DCHS1: variants seen among roughly 807,000 people sequenced by gnomAD.
DCHS1 encodes protocadherin-16.
DCHS1 carries 78 observed loss-of-function variants against 213.9 expected under a neutral mutation model. That is an observed-to-expected ratio of 0.36 (90% CI 0.30 to 0.44). The LOEUF is 0.44. Among genes scored for constraint, DCHS1 ranks in the 20% least tolerant of loss-of-function variants. DCHS1 has a pLI of 1.00. For missense variants in DCHS1, 3,946 were observed against 4,395.9 expected (o/e 0.90, Z 2.89); for synonymous variants, 1,828 against 1,873.7 (o/e 0.98, Z 0.63).
rs980046566 is a variant in DCHS1, at chr11:6,623,764, G to A, written c.7912C>T (p.Arg2638Cys). 3.1e-6 allele frequency: 5 copies of A among 1,613,960 alleles called. No individual in the cohort carries two copies. The highest frequency in any genetic ancestry group is 4.2e-6 in the Non-Finnish European group (5 of 1,179,904). Residue 2638 changes from arginine to cysteine, a missense_variant, in exon 21 of 21, where the codon CGT (arginine) becomes TGT (cysteine). By Grantham distance (180) the Arg-to-Cys change is radical. Transcript: ENST00000299441. ...GGGTCGCCTGAGCTGACAGTGAAACGCACGAGGCCATGAGGGCCAGGGTCA... is the reference window on the plus strand; with the variant it reads ...GGGTCGCCTGAGCTGACAGTGAAACACACGAGGCCATGAGGGCCAGGGTCA... ...DADPGPHGLV[R>C]FTVSSGDPSG...
intron 1 of DCHS1, among the ~76,000 whole-genome samples, chr11:6,651,204 C>T (rs60638156): frequency 0.068 from 10,374 of 152,084 alleles, 764 homozygotes; most frequent in African/African-American, 0.18. Flanking sequence ...CAAGCCTGCC[C>T]GGTGGAGTCA....
In DCHS1 at chr11:6,627,584, G is replaced by A. The variant is rs374596423; in HGVS notation, c.5455C>T (p.Pro1819Ser). 11 of 1,612,910 alleles carry A rather than the reference G, an allele frequency of 6.8e-6. No homozygotes were observed. Among genetic ancestry groups the A allele is most frequent in the Non-Finnish European group, 1.7e-6 (2 of 1,179,744 alleles). The change falls in exon 14 of 21, where the codon CCA becomes TCA. Residue 1819 changes from proline to serine, a missense_variant. Physicochemically the swap from Pro to Ser is moderately conservative, Grantham distance 74. Around this residue, in one of 3 missense-constraint regions of DCHS1, gnomAD observed 3,384 missense variants for 3,780.1 expected, o/e 0.90. Transcript: ENST00000299441. The surrounding 1 kb of genome is among the most constrained non-coding windows in gnomAD (Gnocchi z 5.4). ...GCCTCTATCCTCAGCTGGAAAGCTG[G>A]CTCCACTTCTCTGTCTAGTGGCCGC... ...TMRPLDREVE[P>S]AFQLRIEARD...
rs1223211526 is a variant in DCHS1, at chr11:6,630,246, G to C, written c.4548C>G (p.Thr1516=). The stretch of plus-strand genomic sequence containing the variant: ...GGCGGCTGGCGTTGGCGGGCCGGTC[G>C]GTGGCTTCCACCAGCAGCAGCAGCG... ...TPALLLLVEA[T]DRPANASRRR... Residue 1516 remains threonine (T), a synonymous_variant, in exon 10 of 21, where the codon ACC becomes ACG. Transcript: ENST00000299441. 1.9e-6 allele frequency: 3 copies of C among 1,547,066 alleles called. No homozygotes were observed. Among genetic ancestry groups the C allele is most frequent in the African/African-American group, 2.7e-5 (2 of 73,170 alleles).
At chr11:6,647,601 A>G (rs1016430157) in intron 1 of DCHS1, among the ~76,000 whole-genome samples, 8 of 152,250 alleles carry the variant, frequency 5.3e-5, no homozygotes, top group African/African-American at 1.9e-4. Flanking sequence ...GCTCACAGAC[A>G]GTATCTCATT....
intron 1 of DCHS1, among the ~76,000 whole-genome samples, chr11:6,650,860 T>TA (rs1487877798): frequency 4.6e-5 from 7 of 152,050 alleles, no homozygotes; most frequent in Non-Finnish European, 1.0e-4. Context: ...AAAGTACAGA[T>TA]AAGGGAGAGG....
In DCHS1 at chr11:6,634,174, G is replaced by A. The variant is rs1323892243; in HGVS notation, c.1930C>T (p.Leu644=). 1 of 1,613,254 alleles carries A rather than the reference G, an allele frequency of 6.2e-7. No individual in the cohort carries two copies. Among genetic ancestry groups the A allele is most frequent in the Non-Finnish European group, 8.5e-7 (1 of 1,179,338 alleles). The part of the protein sequence containing the change: ...HSGDVCTTRT[L]DRDQGPSSFD... ...CTTGAGGGCCCCTGGTCACGGTCCAGGGTCCGGGTTGTGCACACATCACCG... is the reference window on the plus strand; with the variant it reads ...CTTGAGGGCCCCTGGTCACGGTCCAAGGTCCGGGTTGTGCACACATCACCG... The change falls in exon 3 of 21, where the codon CTG becomes TTG. Residue 644 remains leucine (L), a synonymous_variant. Transcript: ENST00000299441.
chr11:6,622,601 C>T lies in DCHS1; in HGVS notation c.9075G>A (p.Leu3025=). The part of the protein sequence containing the change: ...AGGPYPRGGS[L]DPSHSSGRGS... The stretch of plus-strand genomic sequence containing the variant: ...CTCGGCCACTTGAATGTGAAGGGTC[C>T]AAGGAGCCACCACGGGGGTAGGGTC... The change falls in exon 21 of 21, where the codon TTG becomes TTA. Residue 3025 remains leucine, a synonymous_variant. Transcript: ENST00000299441. This position sits in a 1 kb window ranked among gnomAD's most constrained non-coding sequence, Gnocchi z 5.4. 3 of 1,580,828 alleles carry T rather than the reference C, an allele frequency of 1.9e-6. 1 individual carries two copies. The South Asian group carries it at 3.5e-5, about 18-fold the overall frequency.
intron 1 of DCHS1, among the ~76,000 whole-genome samples, chr11:6,654,614 GTT>G (rs1378120086): frequency 6.6e-6 from 1 of 152,084 alleles, no homozygotes; most frequent in Non-Finnish European, 1.5e-5. Context: ...GTAGGTGTGT[GTT>G]GGTTCTGACT....
chr11:6,626,511 A>G lies in DCHS1; in HGVS notation c.6364+41T>C. 1 of 1,610,120 alleles carries G rather than the reference A, an allele frequency of 6.2e-7. No individual in the cohort carries two copies. Among genetic ancestry groups the G allele is most frequent in the Non-Finnish European group, 8.5e-7 (1 of 1,176,826 alleles). On this transcript the variant is annotated intron_variant, in intron 15 of 20. Transcript: ENST00000299441. The surrounding 1 kb of genome is among the most constrained non-coding windows in gnomAD (Gnocchi z 5.2). The stretch of plus-strand genomic sequence containing the variant: ...TCTGATGCAAAGAACCTGCTTCCCC[A>G]GTAGCCTGTCCTGCACAGAGCCCCT...
chr11:6,621,339 C>A lies in DCHS1; in HGVS notation c.*440G>T. The A allele has an allele frequency of 3.4e-6, 1 of 293,038 alleles. No individual in the cohort carries two copies. Among genetic ancestry groups the A allele is most frequent in the South Asian group, 3.2e-5 (1 of 31,004 alleles). 18.2% of individuals were successfully genotyped at this position (293,038 alleles called of 1,614,324 possible). On this transcript the variant is annotated 3_prime_UTR_variant, in exon 21 of 21. Transcript: ENST00000299441. ...AAAGCTGGAGACTGGATACAAATTG[C>A]AGTTTATTAAGGCTCCAGAGTGAGA... is the stretch of plus-strand genomic sequence containing the variant.
Position 6,634,164 on chromosome 11 carries a change from T to A in DCHS1, c.1940A>T (p.Asp647Val). The A allele has an allele frequency of 6.2e-7, 1 of 1,611,392 alleles. No homozygotes were observed. The highest frequency in any genetic ancestry group is 8.5e-7 in the Non-Finnish European group (1 of 1,178,088). Residue 647 changes from aspartate to valine, a missense_variant, in exon 3 of 21, where the codon GAC (aspartate) becomes GTC (valine). Physicochemically the swap from Asp to Val is radical, Grantham distance 152 (BLOSUM62 -3). Coordinates refer to ENST00000299441, the MANE Select transcript of DCHS1 (RefSeq NM_003737.4). ...DVCTTRTLDR[D>V]QGPSSFDFTV... The stretch of plus-strand genomic sequence containing the variant: ...GAAGTCAAAGCTTGAGGGCCCCTGG[T>A]CACGGTCCAGGGTCCGGGTTGTGCA...
intron 1 of DCHS1, among the ~76,000 whole-genome samples, chr11:6,642,172 C>G (rs1206303901): frequency 6.6e-6 from 1 of 151,978 alleles, no homozygotes; most frequent in Non-Finnish European, 1.5e-5. Flanking sequence ...ATGCTCAAGT[C>G]TCTCTCTCTC....
intron 1 of DCHS1, among the ~76,000 whole-genome samples, chr11:6,648,810 T>TA (rs1402312295): frequency 6.6e-6 from 1 of 152,202 alleles, no homozygotes; most frequent in Non-Finnish European, 1.5e-5. Context: ...ATTTGGCTGT[T>TA]AGAGTAGTGT....
rs758545133 is a variant in DCHS1, at chr11:6,623,676, C to G, written c.8000G>C (p.Cys2667Ser). 15 of 1,613,698 alleles carry G rather than the reference C, an allele frequency of 9.3e-6. No individual in the cohort carries two copies. Among genetic ancestry groups the G allele is most frequent in the Admixed American group, 1.7e-5 (1 of 60,000 alleles). ...GTLRLAHALD[C>S]ETQARHQLVV... is the part of the protein sequence containing the mutation. ...AAGCTGATGTCGAGCCTGGGTCTCACAGTCCAGGGCATGGGCCAGTCGCAA... is the reference window on the plus strand; with the variant it reads ...AAGCTGATGTCGAGCCTGGGTCTCAGAGTCCAGGGCATGGGCCAGTCGCAA... Residue 2667 changes from cysteine to serine, a missense_variant, in exon 21 of 21, where the codon TGT becomes TCT. This residue lies in a region of DCHS1 where 3,384 missense variants were observed against 3,780.1 expected (regional missense o/e 0.90). Coordinates refer to ENST00000299441, the MANE Select transcript of DCHS1 (RefSeq NM_003737.4).
rs866187118 is a variant in DCHS1, at chr11:6,655,765, C to A, written c.-323G>T. On this transcript the variant is annotated 5_prime_UTR_variant, in exon 1 of 21. Transcript: ENST00000299441. The stretch of plus-strand genomic sequence containing the variant: ...ATCGGTCCGTCCGCTGACGCCCGGG[C>A]GCCGCCTCCTGCACAGCCGCCCCGC... 8.6e-3 allele frequency: 8,428 copies of A among 980,480 alleles called. 36 individuals carry two copies. Among genetic ancestry groups the A allele is most frequent in the Non-Finnish European group, 9.6e-3 (7,931 of 827,934 alleles). The allele number at this position is 980,480 out of a possible 1,614,324, so 60.7% of individuals were successfully genotyped here.
Position 6,623,294 on chromosome 11 carries a change from TGA to T in DCHS1, c.8380_8381del (p.Ala2795LeufsTer13). On this transcript the variant is annotated frameshift_variant, in exon 21 of 21. Coordinates refer to ENST00000299441, the MANE Select transcript of DCHS1 (RefSeq NM_003737.4). LOFTEE classifies it high-confidence loss of function. ...LVGAADAGNL[S>X]ASVTVSVLVT... ...CTAGCACCGACACAGTGACAGAGGC[TGA>T]GAGATTCCCAGCATCAGCAGCACCC... 6.3e-7 allele frequency: 1 copy of T among 1,589,314 alleles called. No individual in the cohort carries two copies. Among genetic ancestry groups the T allele is most frequent in the Non-Finnish European group, 8.6e-7 (1 of 1,167,722 alleles).
At chr11:6,642,768 G>A (rs1384374459) in intron 1 of DCHS1, among the ~76,000 whole-genome samples, 1 of 152,186 alleles carries the variant, frequency 6.6e-6, no homozygotes, top group Non-Finnish European at 1.5e-5. Flanking sequence ...GCACTTCAAG[G>A]AGGAGTGCCA....
intron 5 of DCHS1, 115 bp from the exon 6 acceptor site, chr11:6,633,171 T>G: frequency 1.5e-6 from 2 of 1,319,426 alleles, no homozygotes; most frequent in Non-Finnish European, 2.1e-6. Flanking sequence ...CCTTTCAAAA[T>G]ATTAGGAGGA....
rs1256942943 is a variant in DCHS1, at chr11:6,627,743, G to T, written c.5372-76C>A. 2 of 1,466,388 alleles carry T rather than the reference G, an allele frequency of 1.4e-6. No individual in the cohort carries two copies. Among genetic ancestry groups the T allele is most frequent in the East Asian group, 4.6e-5 (2 of 43,062 alleles). The allele number at this position is 1,466,388 out of a possible 1,614,324, so 90.8% of individuals were successfully genotyped here. A position where few individuals can be genotyped will look rare whatever the true frequency, so the allele number is the denominator to read the frequency against. On this transcript the variant is annotated intron_variant, in intron 13 of 20. Transcript: ENST00000299441. This position sits in a 1 kb window ranked among gnomAD's most constrained non-coding sequence, Gnocchi z 5.4. ...GGTGATTTACAGACAACAGGAGAGA[G>T]TGAGCATGTGCACAAAAGCAAGTGA...
Sources: allele counts gnomAD v4.1 joint callset (sites outside exome capture counted in the v4.1 genomes callset), GRCh38; gene constraint gnomAD v4.1.1; regional missense constraint gnomAD v4.1.1; non-coding constraint Gnocchi (gnomAD v3.1); transcripts MANE v1.5; gene names NCBI Gene and HGNC (gene_info 2026-07-23, HGNC 2026-07-21).